Variants in ZNF732 observed in about 807,000 individuals in gnomAD.
The protein encoded by ZNF732 is zinc finger protein 732, also known as zinc finger protein LOC654254.
Under a neutral mutation model 11.5 loss-of-function variants are expected in ZNF732, and 12 were observed. The ratio of observed to expected loss-of-function variants is 1.05; its 90% CI spans 0.67 to 1.70. The LOEUF is 1.70. Ranked by LOEUF, ZNF732 falls within the 40% of genes most tolerant of loss-of-function variation. The pLI is 0.00. For missense variants in ZNF732, 702 were observed against 676.9 expected (o/e 1.04, Z -0.41); for synonymous variants, 231 against 236.5 (o/e 0.98, Z 0.21).
chr4:278,658 T>C lies in ZNF732; in HGVS notation c.227-6028A>G, dbSNP rs560082451. On this transcript the variant is annotated intron_variant, in intron 3 of 3. Transcript: ENST00000419098. ...ATTTGACCTTTTTGTGTTCCTTGAGTCCAGTCACAAAGGGCCCTTGTGACT... is the reference window on the plus strand; with the variant it reads ...ATTTGACCTTTTTGTGTTCCTTGAGCCCAGTCACAAAGGGCCCTTGTGACT... 3.9e-5 allele frequency among the ~76,000 whole-genome samples: 6 copies of C among 152,314 alleles called. No individual in the cohort carries two copies. In the South Asian group the frequency reaches 1.2e-3, roughly 32 times the overall value.
intron 1 of ZNF732, among the ~76,000 whole-genome samples, chr4:298,424 A>T (rs1720008244): frequency 6.6e-6 from 1 of 152,122 alleles, no homozygotes; most frequent in Admixed American, 6.6e-5. Context: ...CACCAAAAAA[A>T]AAAACTAGAA....
intron 3 of ZNF732, among the ~76,000 whole-genome samples, chr4:293,649 T>A (rs1400144601): frequency 6.6e-6 from 1 of 152,134 alleles, no homozygotes; most frequent in South Asian, 2.1e-4. Context: ...TTATAGTTAA[T>A]ACTATAATGT....
intron 1 of ZNF732, among the ~76,000 whole-genome samples, chr4:300,974 G>A (rs1311646211): frequency 6.6e-6 from 1 of 152,098 alleles, no homozygotes; most frequent in East Asian, 1.9e-4. Flanking sequence ...CTACTCATCT[G>A]ACAAAGAGCT....
At chr4:293,291 T>G (rs1168941554) in intron 3 of ZNF732, among the ~76,000 whole-genome samples, 3 of 146,678 alleles carry the variant, frequency 2.0e-5, no homozygotes, top group African/African-American at 7.5e-5. Context: ...TGTATATATA[T>G]ATATATATGT....
Position 295,542 on chromosome 4 carries a change from T to A in ZNF732, c.131-9A>T, listed in dbSNP as rs554241364. 23 of 1,603,628 alleles carry A rather than the reference T, an allele frequency of 1.4e-5. No individual in the cohort carries two copies. The highest frequency in any genetic ancestry group is 2.0e-5 in the Non-Finnish European group (23 of 1,173,796). ...GTTAGAGATAGCAACACCTGTTTAT[T>A]TTAAAAAATTAACATGCTACTGTTA... On this transcript the variant is annotated splice_polypyrimidine_tract_variant and intron_variant, in intron 2 of 3. Coordinates refer to ENST00000419098, the MANE Select transcript of ZNF732 (RefSeq NM_001137608.3).
At chr4:283,966 A>T (rs138973855) in intron 3 of ZNF732, among the ~76,000 whole-genome samples, 1 of 152,252 alleles carries the variant, frequency 6.6e-6, no homozygotes, top group Non-Finnish European at 1.5e-5. Flanking sequence ...GCTGTAGTGC[A>T]GTGGTGCGAT....
At chr4:296,194 T>C in intron 1 of ZNF732, 39 bp from the exon 2 acceptor site, 1 of 1,601,590 alleles carries the variant, frequency 6.2e-7, no homozygotes, top group African/African-American at 1.4e-5. Flanking sequence ...AGTTCTTAAT[T>C]TGACTACAGG....
At chr4:303,055 C>G (rs1004845892) in intron 1 of ZNF732, among the ~76,000 whole-genome samples, 2 of 152,124 alleles carry the variant, frequency 1.3e-5, no homozygotes, top group Non-Finnish European at 2.9e-5. Flanking sequence ...AATACTGTGG[C>G]GAGCAATATC....
intron 3 of ZNF732, among the ~76,000 whole-genome samples, chr4:279,132 T>C (rs1375960658): frequency 6.7e-6 from 1 of 149,752 alleles, no homozygotes; most frequent in Non-Finnish European, 1.5e-5. Context: ...TAAACTGAGA[T>C]AGTGAAAAAA....
At chr4:290,007 AT>A (rs1271469253) in intron 3 of ZNF732, among the ~76,000 whole-genome samples, 2 of 152,254 alleles carry the variant, frequency 1.3e-5, no homozygotes, top group Non-Finnish European at 2.9e-5. Flanking sequence ...ATGAAAAATT[AT>A]TTAGACTCAA....
intron 3 of ZNF732, among the ~76,000 whole-genome samples, chr4:287,145 C>G (rs539359630): frequency 6.6e-6 from 1 of 152,106 alleles, no homozygotes; most frequent in African/African-American, 2.4e-5. Context: ...AGCAAGACTC[C>G]GTCGCAAAAC....
intron 3 of ZNF732, among the ~76,000 whole-genome samples, chr4:290,342 T>A (rs1344607572): frequency 6.6e-6 from 1 of 152,188 alleles, no homozygotes; most frequent in Non-Finnish European, 1.5e-5. Flanking sequence ...AATAGTTCTG[T>A]AACCTCTCTC....
intron 3 of ZNF732, among the ~76,000 whole-genome samples, chr4:282,947 A>C (rs1482161768): frequency 4.6e-5 from 7 of 152,232 alleles, no homozygotes; most frequent in South Asian, 2.1e-4. Flanking sequence ...AGTTCTTATC[A>C]ATCAGTAATT....
At chr4:278,606 GA>G (rs1553839120) in intron 3 of ZNF732, among the ~76,000 whole-genome samples, 1 of 152,168 alleles carries the variant, frequency 6.6e-6, no homozygotes, top group African/African-American at 2.4e-5. Context: ...GTTAGTTATT[GA>G]AAAACAATAG....
At chr4:304,624 C>A (rs1288886869) in intron 1 of ZNF732, among the ~76,000 whole-genome samples, 2 of 152,168 alleles carry the variant, frequency 1.3e-5, no homozygotes, top group Non-Finnish European at 2.9e-5. Flanking sequence ...TTTCTGAACG[C>A]CTGCCTACAA....
intron 3 of ZNF732, among the ~76,000 whole-genome samples, chr4:281,830 T>C (rs193061085): frequency 1.0e-3 from 156 of 152,206 alleles, no homozygotes; most frequent in African/African-American, 3.7e-3. Flanking sequence ...GAAAGGAAAC[T>C]AAAAATGCTC....
At chr4:284,846 G>A (rs1404194093) in intron 3 of ZNF732, among the ~76,000 whole-genome samples, 18 of 138,524 alleles carry the variant, frequency 1.3e-4, no homozygotes, top group African/African-American at 3.4e-4. Flanking sequence ...ACTCCAGCCC[G>A]GGCCACAGAG....
In ZNF732 at chr4:300,076, G is replaced by T. The variant is rs117321689; in HGVS notation, c.4-3921C>A. Among the ~76,000 whole-genome samples, 243 of 151,790 alleles carry T rather than the reference G, an allele frequency of 1.6e-3. 9 individuals are homozygous for T. The East Asian group carries it at 0.043, about 27-fold the overall frequency. On this transcript the variant is annotated intron_variant, in intron 1 of 3. Transcript: ENST00000419098. ...TAGAAAGTTGTCAGAAATTCTTATTGGCTTATAGAAGTAAGTGGTTAGTGA... is the reference window on the plus strand; with the variant it reads ...TAGAAAGTTGTCAGAAATTCTTATTTGCTTATAGAAGTAAGTGGTTAGTGA...
At chr4:274,678 GAA>G (rs1321485401) in intron 3 of ZNF732, among the ~76,000 whole-genome samples, 11 of 151,624 alleles carry the variant, frequency 7.3e-5, no homozygotes, top group African/African-American at 2.7e-4. Flanking sequence ...CAAAATGAAA[GAA>G]GAGATTTCAT....
Sources: allele counts gnomAD v4.1 joint callset (sites outside exome capture counted in the v4.1 genomes callset), GRCh38; gene constraint gnomAD v4.1.1; transcripts MANE v1.5; gene names NCBI Gene and HGNC (gene_info 2026-07-23, HGNC 2026-07-21).